The following HPSE2 variants were observed in gnomAD, a reference collection of about 807,000 sequenced individuals.
HPSE2 encodes inactive heparanase-2.
In HPSE2, 38 loss-of-function variants were observed where a neutral mutation model predicts 60.5. The ratio of observed to expected loss-of-function variants is 0.63; its 90% CI spans 0.48 to 0.82. The LOEUF is 0.82. Among genes scored for constraint, HPSE2 ranks in the 40% least tolerant of loss-of-function variants. The pLI is 0.00. For missense variants in HPSE2, 713 were observed against 740.4 expected, an observed-to-expected ratio of 0.96 and a Z score of 0.43; for synonymous variants, 295 against 293.2, an observed-to-expected ratio of 1.01 and a Z score of -0.06.
chr10:99,019,824 C>G (rs189385986), intron 3 of HPSE2, among the ~76,000 whole-genome samples: 1 of 151,862 alleles, frequency 6.6e-6, no homozygotes, highest in Admixed American at 6.6e-5. Flanking sequence ...ATTCTCTCCC[C>G]CGTCAGCTTC....
chr10:98,461,675 C>CA, intron 11 of HPSE2: 1 of 912,094 alleles, frequency 1.1e-6, no homozygotes, highest in Admixed American at 2.2e-5. Context: ...CTTTCTAAGG[C>CA]ATACTCAAAT....
At chr10:99,208,837 C>A (rs1385269307) in intron 2 of HPSE2, among the ~76,000 whole-genome samples, 1 of 151,884 alleles carries the variant, frequency 6.6e-6, no homozygotes, top group African/African-American at 2.4e-5. Flanking sequence ...CAAAAGGAAA[C>A]CAAAAGAGAA....
At chr10:98,592,573 C>A (rs1945119819) in intron 9 of HPSE2, among the ~76,000 whole-genome samples, 1 of 152,184 alleles carries the variant, frequency 6.6e-6, no homozygotes, top group Admixed American at 6.5e-5. Context: ...TAAAGACCTG[C>A]TCCTTCTCAG....
At chr10:98,959,536 A>G (rs1955596007) in intron 3 of HPSE2, among the ~76,000 whole-genome samples, 1 of 152,062 alleles carries the variant, frequency 6.6e-6, no homozygotes, top group Admixed American at 6.6e-5. Context: ...TTTGTGCCCA[A>G]AACGTTTTGT....
At position 99,112,415 on chromosome 10, in the gene HPSE2, G is replaced by GTGTTTTGTTTTGTTT. The variant is rs72389662; in HGVS notation, c.610+31808_610+31822dup. Among the ~76,000 whole-genome samples the GTGTTTTGTTTTGTTT allele has an allele frequency of 2.5e-3, 339 of 136,008 alleles. 1 individual carries two copies. Among genetic ancestry groups the GTGTTTTGTTTTGTTT allele is most frequent in the Middle Eastern group, 0.011 (3 of 262 alleles). The allele number at this position is 136,008 out of a possible 152,430, so 89.2% of individuals were successfully genotyped here. ...CCACCATGCCCGGCTTTTTTTTGTT[G>GTGTTTTGTTTTGTTT]TGTTTTGTTTTGTTTTGTTTTGTTT... On this transcript the variant is annotated intron_variant, in intron 3 of 11. Transcript: ENST00000370552.
intron 11 of HPSE2, among the ~76,000 whole-genome samples, chr10:98,464,421 C>T (rs1022513771): frequency 6.6e-6 from 1 of 152,170 alleles, no homozygotes; most frequent in African/African-American, 2.4e-5. Flanking sequence ...TCATTCTGTG[C>T]GGTGCTCCCT....
intron 3 of HPSE2, among the ~76,000 whole-genome samples, chr10:99,132,233 G>GAAAGAAAGAAAGAAAGAAAGAA (rs1179689093): frequency 1.1e-4 from 2 of 17,696 alleles, no homozygotes; most frequent in Admixed American, 8.3e-4. Context: ...GAGAGAGAGA[G>GAAAGAAAGAAAGAAAGAAAGAA]AGAGAGAGAG....
intron 9 of HPSE2, among the ~76,000 whole-genome samples, chr10:98,494,807 A>G (rs1478491562): frequency 5.3e-5 from 8 of 152,244 alleles, no homozygotes; most frequent in Non-Finnish European, 1.2e-4. Context: ...TACAAACCAA[A>G]GTAACAATAA....
At position 98,654,389 on chromosome 10, in the gene HPSE2, G is replaced by A. The variant is rs142464008; in HGVS notation, c.1005-12449C>T. Among the ~76,000 whole-genome samples, 71 of 151,924 alleles carry A rather than the reference G, an allele frequency of 4.7e-4. 1 individual carries two copies. The highest frequency in any genetic ancestry group is 1.2e-3 in the Admixed American group (19 of 15,244). On this transcript the variant is annotated intron_variant, in intron 6 of 11. Coordinates refer to ENST00000370552, the MANE Select transcript of HPSE2 (RefSeq NM_021828.5). ...GTACATTACACATTTTGAAATTGTC[G>A]CACATTTCTTGGCTATTCTGTTGTT...
At chr10:98,636,326 G>A (rs964366827) in intron 7 of HPSE2, among the ~76,000 whole-genome samples, 8 of 151,098 alleles carry the variant, frequency 5.3e-5, no homozygotes, top group East Asian at 1.9e-4. Context: ...TGCAACCTCC[G>A]CCTCCTGGGT....
rs137896795 is a variant in HPSE2 at position 99,070,378 on chromosome 10, T to G, written c.610+73860A>C. Among the ~76,000 whole-genome samples, 3 of 152,358 alleles carry G rather than the reference T, an allele frequency of 2.0e-5. No homozygotes were observed. In the East Asian group the frequency reaches 5.8e-4, roughly 29 times the overall value. On this transcript the variant is annotated intron_variant, in intron 3 of 11. Transcript: ENST00000370552. ...CATGATATGATGCTCAACACTGTTA[T>G]TCATTAGTAAAATGCAAATTAAAAC...
intron 2 of HPSE2, among the ~76,000 whole-genome samples, chr10:99,174,909 G>T (rs2133812419): frequency 6.6e-6 from 1 of 152,284 alleles, no homozygotes; most frequent in African/African-American, 2.4e-5. Context: ...TCCAACCGAG[G>T]TATCCGGTTC....
chr10:98,884,505 G>A (rs1355324448), intron 3 of HPSE2, among the ~76,000 whole-genome samples: 1 of 152,112 alleles, frequency 6.6e-6, no homozygotes, highest in Non-Finnish European at 1.5e-5. Context: ...TGGACTTTAA[G>A]TTGAAACCAG....
At chr10:98,606,511 C>T (rs1434028765) in intron 9 of HPSE2, among the ~76,000 whole-genome samples, 1 of 152,140 alleles carries the variant, frequency 6.6e-6, no homozygotes, top group South Asian at 2.1e-4. Flanking sequence ...CAAAGAAAGG[C>T]TATAAGGATT....
intron 3 of HPSE2, among the ~76,000 whole-genome samples, chr10:99,101,259 A>T (rs1489576282): frequency 6.6e-6 from 1 of 152,224 alleles, no homozygotes; most frequent in Non-Finnish European, 1.5e-5. Flanking sequence ...ACATGCAAAG[A>T]CACACATAGG....
intron 8 of HPSE2, 83 bp downstream of exon 8, chr10:98,620,519 G>T: frequency 1.0e-6 from 1 of 968,140 alleles, no homozygotes; most frequent in South Asian, 1.3e-5. Flanking sequence ...CCCCTAGGAT[G>T]GGCAGAATAA....
At chr10:98,840,811 G>C (rs906818097) in intron 3 of HPSE2, among the ~76,000 whole-genome samples, 2 of 152,248 alleles carry the variant, frequency 1.3e-5, no homozygotes, top group South Asian at 2.1e-4. Flanking sequence ...ATAAAAGCAA[G>C]TCATGTTAGC....
At chr10:98,625,732 C>T (rs1187856074) in intron 7 of HPSE2, among the ~76,000 whole-genome samples, 1 of 152,118 alleles carries the variant, frequency 6.6e-6, no homozygotes, top group African/African-American at 2.4e-5. Context: ...ACAAAAACAT[C>T]ACCGAATTTC....
chr10:98,670,967 G>A (rs1947491598), intron 6 of HPSE2, among the ~76,000 whole-genome samples: 1 of 152,166 alleles, frequency 6.6e-6, no homozygotes, highest in Non-Finnish European at 1.5e-5. Context: ...GTGTCTGAGA[G>A]GTTTTGTCTG....
Sources: allele counts gnomAD v4.1 joint callset (sites outside exome capture counted in the v4.1 genomes callset), GRCh38; gene constraint gnomAD v4.1.1; transcripts MANE v1.5; gene names NCBI Gene and HGNC (gene_info 2026-07-23, HGNC 2026-07-21).